DNAH3: variants seen among roughly 807,000 people sequenced by gnomAD.
The protein encoded by DNAH3 is axonemal beta dynein heavy chain 3.
Under a neutral mutation model 432.5 loss-of-function variants are expected in DNAH3, and 332 were observed. That is an observed-to-expected ratio of 0.77 (90% CI 0.70 to 0.84). DNAH3 has a LOEUF of 0.84. Ranked by LOEUF, DNAH3 falls within the 40% of genes least tolerant of loss-of-function variation. The pLI is 0.00. For missense variants in DNAH3, 4,861 were observed against 5,114.0 expected, an observed-to-expected ratio of 0.95 and a Z score of 1.51; for synonymous variants, 1,956 against 1,900.2, an observed-to-expected ratio of 1.03 and a Z score of -0.76.
rs1172615918 is a variant in DNAH3 at position 21,097,350 on chromosome 16, C to T, written c.2665+5G>A. ...CTGTCCCAGCAGAGTGAGATCACCA[C>T]ATACCATTCATCCATTCCTCTGACT... On this transcript the variant is annotated splice_donor_5th_base_variant and intron_variant, in intron 18 of 61. Transcript: ENST00000261383. The T allele has an allele frequency of 5.0e-6, 8 of 1,613,444 alleles. No individual in the cohort carries two copies. Among genetic ancestry groups the T allele is most frequent in the Non-Finnish European group, 6.8e-6 (8 of 1,179,918 alleles).
At chr16:21,002,114 G>T (rs1404980446) in intron 42 of DNAH3, among the ~76,000 whole-genome samples, 2 of 152,002 alleles carry the variant, frequency 1.3e-5, no homozygotes, top group Admixed American at 1.3e-4. Context: ...TACAGCTGTG[G>T]TCCTGCGTGG....
exon 3 of DNAH3, chr16:21,145,319 G>A (rs140968171): frequency 1.4e-5 from 22 of 1,614,178 alleles, no homozygotes; most frequent in Admixed American, 8.3e-5. Context: ...CTGGGTCCAC[G>A]GTGGTGATGC....
At chr16:21,128,003 C>T (rs565053249) in intron 7 of DNAH3, among the ~76,000 whole-genome samples, 191 bp from the exon 9 acceptor site, 6 of 151,940 alleles carry the variant, frequency 3.9e-5, no homozygotes, top group South Asian at 2.1e-4. Flanking sequence ...TCCTAAAGAA[C>T]GCTTGCAGGG....
chr16:21,106,786 AAAAAG>A (rs1306537266), intron 14 of DNAH3, 112 bp from the exon 15 acceptor site: 1 of 1,031,210 alleles, frequency 9.7e-7, no homozygotes, highest in African/African-American at 1.6e-5. Context: ...TATTTGAAAA[AAAAAG>A]AAAATTTTTT....
At chr16:21,135,435 G>A (rs555576896) in intron 6 of DNAH3, among the ~76,000 whole-genome samples, 2 of 152,200 alleles carry the variant, frequency 1.3e-5, no homozygotes, top group African/African-American at 4.8e-5. Flanking sequence ...GCTCACACCT[G>A]TAATCCCAGC....
At chr16:21,038,299 G>A (rs2089271013) in intron 33 of DNAH3, among the ~76,000 whole-genome samples, 1 of 152,100 alleles carries the variant, frequency 6.6e-6, no homozygotes, top group Admixed American at 6.6e-5. Flanking sequence ...CCAGGAGTCC[G>A]AGGCCAGGAG....
intron 13 of DNAH3, 55 bp from the exon 14 acceptor site, chr16:21,111,859 G>T: frequency 6.3e-7 from 1 of 1,593,004 alleles, no homozygotes. Flanking sequence ...TCTCCCACTT[G>T]CCCCCAGCCT....
chr16:21,157,488 C>T (rs1226019684), intron 1 of DNAH3, among the ~76,000 whole-genome samples: 4 of 151,984 alleles, frequency 2.6e-5, no homozygotes, highest in Non-Finnish European at 4.4e-5. Flanking sequence ...CACCACCATG[C>T]CTGGCTAGTT....
intron 47 of DNAH3, among the ~76,000 whole-genome samples, chr16:20,986,407 C>T (rs2086198746): frequency 6.6e-6 from 1 of 151,942 alleles, no homozygotes; most frequent in African/African-American, 2.4e-5. Context: ...ACTCAGGAGG[C>T]CGAGGTGGAG....
chr16:21,019,942 C>T, intron 40 of DNAH3, 73 bp from the exon 41 acceptor site: 1 of 1,565,568 alleles, frequency 6.4e-7, no homozygotes, highest in South Asian at 1.2e-5. Context: ...AACTGGTTGG[C>T]TTTGCCTTTG....
chr16:21,101,249 G>A (rs548101288), intron 16 of DNAH3, among the ~76,000 whole-genome samples: 2 of 152,238 alleles, frequency 1.3e-5, no homozygotes, highest in East Asian at 3.9e-4. Context: ...ATACCGTACT[G>A]AAAGTGAAAA....
chr16:20,987,942 C>T (rs529222963), exon 45 of DNAH3: 3 of 1,614,162 alleles, frequency 1.9e-6, no homozygotes, highest in Admixed American at 1.7e-5. Context: ...AACCTCTTAC[C>T]TTAAAAACAT....
intron 24 of DNAH3, among the ~76,000 whole-genome samples, chr16:21,064,716 AT>A (rs1425409377): frequency 2.0e-5 from 3 of 152,236 alleles, no homozygotes; most frequent in Non-Finnish European, 4.4e-5. Context: ...ATACATTCGT[AT>A]AATTTAAAAT....
chr16:21,150,188 G>A, intron 1 of DNAH3, 102 bp downstream of exon 2: 1 of 403,348 alleles, frequency 2.5e-6, no homozygotes, highest in Non-Finnish European at 4.7e-6. Context: ...TCACACCATT[G>A]CACTCCAGCC....
rs1317260160 is a variant in DNAH3 at position 21,047,995 on chromosome 16, A to G, written c.4461+1574T>C. On this transcript the variant is annotated intron_variant, in intron 31 of 61. Transcript: ENST00000261383. Reference sequence around the variant, plus strand: ...CTCCCAGTTAGGCTGCTCGGGGGTCAGGGGTCAGGGACCCACTTGAGGAAG... The same window carrying G: ...CTCCCAGTTAGGCTGCTCGGGGGTCGGGGGTCAGGGACCCACTTGAGGAAG... Among the ~76,000 whole-genome samples, 6 of 152,260 alleles carry G rather than the reference A, an allele frequency of 3.9e-5. No individual in the cohort carries two copies. The South Asian group carries it at 8.3e-4, about 21-fold the overall frequency.
exon 41 of DNAH3, chr16:21,019,808 C>G (rs964663613): frequency 6.2e-7 from 1 of 1,614,046 alleles, no homozygotes; most frequent in Admixed American, 1.7e-5. Flanking sequence ...AGAGAAAGAT[C>G]TGTTGACTTG....
intron 52 of DNAH3, 98 bp downstream of exon 52, chr16:20,969,694 C>T (rs2085243536): frequency 7.4e-7 from 1 of 1,347,388 alleles, no homozygotes; most frequent in South Asian, 1.2e-5. Flanking sequence ...GTGATCTTGC[C>T]TGCACGCCTG....
chr16:21,019,552 A>G (rs2088041723), intron 41 of DNAH3, 72 bp downstream of exon 41: 1 of 1,565,550 alleles, frequency 6.4e-7, no homozygotes, highest in East Asian at 2.2e-5. Context: ...ACCTGTCTGC[A>G]CATTCTGGTT....
At chr16:21,152,748 G>A (rs2092868398) in intron 1 of DNAH3, among the ~76,000 whole-genome samples, 1 of 152,252 alleles carries the variant, frequency 6.6e-6, no homozygotes, top group Admixed American at 6.5e-5. Context: ...CCGGCCAGCG[G>A]CTGCGGAGGG....
Sources: allele counts gnomAD v4.1 joint callset (sites outside exome capture counted in the v4.1 genomes callset), GRCh38; gene constraint gnomAD v4.1.1; transcripts MANE v1.5; gene names NCBI Gene and HGNC (gene_info 2026-07-23, HGNC 2026-07-21).